CATSPER3: variants seen among roughly 807,000 people sequenced by gnomAD.
The protein encoded by CATSPER3 is cation channel sperm-associated protein 3.
In CATSPER3, 23 loss-of-function variants were observed where a neutral mutation model predicts 36.6. The ratio of observed to expected loss-of-function variants is 0.63; its 90% CI spans 0.45 to 0.89. CATSPER3 has a LOEUF of 0.89. Ranked by LOEUF, CATSPER3 falls within the 40% of genes least tolerant of loss-of-function variation. The probability of loss-of-function intolerance (pLI) is 0.00; values close to 1 mark genes in which losing one functional copy is unlikely to be tolerated. For synonymous variants in CATSPER3, 172 were observed against 184.1 expected (o/e 0.93, Z 0.53); for missense variants, 474 against 503.9 (o/e 0.94, Z 0.57).
chr5:134,985,966 AACAC>A (rs1261272229), intron 2 of CATSPER3, among the ~76,000 whole-genome samples: 1 of 151,926 alleles, frequency 6.6e-6, no homozygotes, highest in Non-Finnish European at 1.5e-5. Flanking sequence ...TTTAAAAAGA[AACAC>A]ACACACAAGA....
intron 3 of CATSPER3, among the ~76,000 whole-genome samples, chr5:135,005,045 A>G (rs1752067889): frequency 6.6e-6 from 1 of 151,888 alleles, no homozygotes; most frequent in African/African-American, 2.4e-5. Context: ...GGAAAAGGAG[A>G]CCCAGGACCA....
chr5:135,010,275 G>A lies in CATSPER3; in HGVS notation c.937-98G>A, dbSNP rs527555185. 46 of 1,069,934 alleles carry A rather than the reference G, an allele frequency of 4.3e-5. No homozygotes were observed. The African/African-American group carries it at 5.7e-4, about 13-fold the overall frequency. The allele number at this position is 1,069,934 out of a possible 1,614,324, so 66.3% of individuals were successfully genotyped here. ...AGCTTCCTTCCAGGACCAGGGTCAG[G>A]CCGCTGCCTGGGGCCCATCCTGGAG... On this transcript the variant is annotated intron_variant, in intron 6 of 7. Transcript: ENST00000282611.
intron 2 of CATSPER3, among the ~76,000 whole-genome samples, chr5:134,973,044 C>T (rs1163106276): frequency 6.6e-6 from 1 of 152,108 alleles, no homozygotes; most frequent in African/African-American, 2.4e-5. Context: ...GAAAAATTGA[C>T]TTTCAAGTAT....
intron 3 of CATSPER3, among the ~76,000 whole-genome samples, chr5:135,000,475 G>T (rs1580912835): frequency 6.6e-6 from 1 of 151,746 alleles, no homozygotes; most frequent in African/African-American, 2.4e-5. Context: ...CTATCAATTG[G>T]AATAGTTTCA....
chr5:134,975,003 T>C (rs1751651013), intron 2 of CATSPER3: 2 of 152,188 alleles, frequency 1.3e-5, no homozygotes, highest in Admixed American at 6.5e-5. Context: ...GGGCAGACTT[T>C]GGAGTTATAC....
At chr5:134,993,301 C>T (rs576860098) in intron 2 of CATSPER3, among the ~76,000 whole-genome samples, 5 of 152,116 alleles carry the variant, frequency 3.3e-5, no homozygotes, top group African/African-American at 7.2e-5. Context: ...CCTAGGGTTG[C>T]GGGGAGAGGG....
At chr5:134,977,593 C>T (rs558360939) in intron 2 of CATSPER3, among the ~76,000 whole-genome samples, 52 of 152,298 alleles carry the variant, frequency 3.4e-4, no homozygotes, top group Non-Finnish European at 6.2e-4. Context: ...AACTTTTCCT[C>T]GTCTTCCTGA....
chr5:134,972,007 G>A (rs1751613002), intron 2 of CATSPER3, among the ~76,000 whole-genome samples: 1 of 152,078 alleles, frequency 6.6e-6, no homozygotes, highest in African/African-American at 2.4e-5. Flanking sequence ...TGCTGCTATA[G>A]TTGTGTTTTT....
chr5:134,996,928 G>A (rs1482953350), intron 3 of CATSPER3, among the ~76,000 whole-genome samples: 1 of 152,236 alleles, frequency 6.6e-6, no homozygotes, highest in Non-Finnish European at 1.5e-5. Flanking sequence ...AAACAGCTGA[G>A]TCTGCTCTCT....
At chr5:134,971,957 A>G (rs1349101698) in intron 2 of CATSPER3, among the ~76,000 whole-genome samples, 1 of 152,218 alleles carries the variant, frequency 6.6e-6, no homozygotes, top group Non-Finnish European at 1.5e-5. Flanking sequence ...AGCTCAAGAA[A>G]ACAAATTTTA....
chr5:134,981,891 A>G (rs1178911942), intron 2 of CATSPER3, among the ~76,000 whole-genome samples: 1 of 152,156 alleles, frequency 6.6e-6, no homozygotes, highest in African/African-American at 2.4e-5. Flanking sequence ...GCAATTTGGG[A>G]GGCTGAGGTG....
rs141803762 is a variant in CATSPER3 at position 135,008,081 on chromosome 5, A to C, written c.617A>C (p.Asp206Ala). The part of the protein sequence containing the change: ...FCLFGSPDNG[D>A]HDNWGNLAAA... ...CTGTTTGGATCTCCAGACAATGGTG[A>C]CCATGATAACTGGGGGAACCTGGCT... The change falls in exon 4 of 8, where the codon GAC becomes GCC. Residue 206 changes from aspartate to alanine, a missense_variant. Physicochemically the swap from Asp to Ala is moderately radical, Grantham distance 126 (BLOSUM62 -2). Transcript: ENST00000282611. The C allele has an allele frequency of 1.2e-4, 201 of 1,614,134 alleles. No individual in the cohort carries two copies. In the African/African-American group the frequency reaches 2.3e-3, roughly 19 times the overall value.
intron 4 of CATSPER3, among the ~76,000 whole-genome samples, chr5:135,008,431 A>G (rs2149553754): frequency 6.6e-6 from 1 of 152,294 alleles, no homozygotes; most frequent in Admixed American, 6.5e-5. Context: ...TTAATTTATA[A>G]ATGAAACCCA....
intron 2 of CATSPER3, among the ~76,000 whole-genome samples, chr5:134,985,410 A>G (rs1751796449): frequency 6.6e-6 from 1 of 152,164 alleles, no homozygotes; most frequent in Non-Finnish European, 1.5e-5. Flanking sequence ...GGTATAATGG[A>G]CATTGTGGGG....
chr5:135,003,919 G>T (rs115092483), intron 3 of CATSPER3, among the ~76,000 whole-genome samples: 2 of 152,164 alleles, frequency 1.3e-5, no homozygotes, highest in African/African-American at 4.8e-5. Flanking sequence ...GCGATGCCTC[G>T]CCCTGCTTCG....
At chr5:134,979,711 T>C (rs1371250639) in intron 2 of CATSPER3, among the ~76,000 whole-genome samples, 1 of 152,176 alleles carries the variant, frequency 6.6e-6, no homozygotes, top group Admixed American at 6.5e-5. Context: ...CTCCGGTGTA[T>C]ATGGAGAAAT....
intron 2 of CATSPER3, among the ~76,000 whole-genome samples, chr5:134,971,408 G>A (rs1411825327): frequency 6.6e-6 from 1 of 152,118 alleles, no homozygotes; most frequent in African/African-American, 2.4e-5. Flanking sequence ...GCAACAGAGT[G>A]AGACCTTGTC....
chr5:134,969,732 GTAAC>G (rs1406301222), intron 1 of CATSPER3: 2 of 594,034 alleles, frequency 3.4e-6, no homozygotes, highest in African/African-American at 3.7e-5. Flanking sequence ...AGGGAGCTAA[GTAAC>G]TGAGTGAGGA....
intron 2 of CATSPER3, among the ~76,000 whole-genome samples, chr5:134,987,696 GA>G (rs1379046623): frequency 6.6e-6 from 1 of 151,898 alleles, no homozygotes; most frequent in African/African-American, 2.4e-5. Flanking sequence ...TAGAGTGAAG[GA>G]AAAAAATTCA....
Sources: gnomAD v4.1 joint callset for allele counts (sites outside exome capture counted in the v4.1 genomes callset) on GRCh38, gnomAD v4.1.1 for gene constraint, MANE v1.5 for transcripts, NCBI Gene and HGNC (gene_info 2026-07-23, HGNC 2026-07-21) for gene names.